UNC13C: variants seen among roughly 807,000 people sequenced by gnomAD.
UNC13C encodes the protein unc-13 homolog C, also known as protein unc-13 homolog C.
Under a neutral mutation model 245.4 loss-of-function variants are expected in UNC13C, and 174 were observed. The observed-to-expected ratio is 0.71, with a 90% CI of 0.63 to 0.80. The LOEUF (loss-of-function observed/expected upper bound fraction) is 0.80. Among genes scored for constraint, UNC13C ranks in the 30% least tolerant of loss-of-function variants. The pLI, the probability that UNC13C is intolerant of heterozygous loss-of-function variation, is 0.00. For synonymous variants in UNC13C, 992 were observed against 895.1 expected (o/e 1.11, Z -1.93); for missense variants, 2,829 against 2,602.9 (o/e 1.09, Z -1.89).
intron 30 of UNC13C, among the ~76,000 whole-genome samples, chr15:54,586,415 A>T (rs745937974): frequency 3.9e-5 from 6 of 152,222 alleles, no homozygotes; most frequent in Non-Finnish European, 8.8e-5. Flanking sequence ...TCTTGCAGAC[A>T]GTTACCTTTT....
At chr15:54,391,073 T>C (rs1476150895) in intron 17 of UNC13C, among the ~76,000 whole-genome samples, 1 of 152,156 alleles carries the variant, frequency 6.6e-6, no homozygotes, top group Non-Finnish European at 1.5e-5. Context: ...TGGGAATGAA[T>C]GCATATTTCA....
intron 13 of UNC13C, among the ~76,000 whole-genome samples, chr15:54,314,613 G>A (rs539271540): frequency 6.6e-6 from 1 of 151,690 alleles, no homozygotes; most frequent in Admixed American, 6.6e-5. Flanking sequence ...GGAAAGAAAT[G>A]TTTAATTATG....
intron 2 of UNC13C, among the ~76,000 whole-genome samples, chr15:54,135,879 C>T (rs1473637664): frequency 6.6e-6 from 1 of 151,986 alleles, no homozygotes; most frequent in Non-Finnish European, 1.5e-5. Context: ...CTCTGTAAGC[C>T]TTTGAAAAAG....
At chr15:54,446,175 A>T (rs927123718) in intron 19 of UNC13C, among the ~76,000 whole-genome samples, 1 of 152,170 alleles carries the variant, frequency 6.6e-6, no homozygotes, top group Non-Finnish European at 1.5e-5. Flanking sequence ...TAACAGTACC[A>T]TTCTCTTTTG....
intron 13 of UNC13C, among the ~76,000 whole-genome samples, chr15:54,310,204 A>G (rs1214785428): frequency 6.6e-6 from 1 of 151,752 alleles, no homozygotes; most frequent in Non-Finnish European, 1.5e-5. Flanking sequence ...CCACCCTGAG[A>G]ATAATTTAAG....
rs1181463712 is a variant in UNC13C at position 54,008,139 on chromosome 15, A to G, written c.-256-4509A>G. Among the ~76,000 whole-genome samples, 4 of 152,322 alleles carry G rather than the reference A, an allele frequency of 2.6e-5. No homozygotes were observed. The East Asian group carries it at 7.7e-4, about 29-fold the overall frequency. ...AGTTCATTATCTCCTTTAGCTCACT[A>G]GGGTATTAAATAGTTCTCTTAAAAA... is the stretch of plus-strand genomic sequence containing the variant. On this transcript the variant is annotated intron_variant, in intron 1 of 32. Transcript: ENST00000260323.
intron 17 of UNC13C, among the ~76,000 whole-genome samples, chr15:54,383,707 A>G (rs1357112539): frequency 6.6e-6 from 1 of 152,116 alleles, no homozygotes; most frequent in Non-Finnish European, 1.5e-5. Context: ...AGTCACCAAA[A>G]TTAGAAGAGA....
At chr15:54,443,733 T>C (rs546345566) in intron 19 of UNC13C, among the ~76,000 whole-genome samples, 8 of 152,098 alleles carry the variant, frequency 5.3e-5, no homozygotes, top group African/African-American at 1.7e-4. Context: ...CCTCTTTGTA[T>C]TGATTTCTAA....
chr15:54,129,459 C>T (rs13380384), intron 2 of UNC13C, among the ~76,000 whole-genome samples: 2,918 of 152,044 alleles, frequency 0.019, 71 homozygotes, highest in East Asian at 0.093. Flanking sequence ...GGAAGTTATC[C>T]ATTTTATAAA....
At chr15:54,542,988 G>T (rs1896314549) in intron 26 of UNC13C, among the ~76,000 whole-genome samples, 1 of 152,080 alleles carries the variant, frequency 6.6e-6, no homozygotes, top group Admixed American at 6.6e-5. Flanking sequence ...GGGGTATTTA[G>T]TCCATTTACA....
At chr15:53,968,067 CT>C in the UNC13C span, 1 of 152,058 alleles carries the variant, frequency 6.6e-6, no homozygotes, top group African/African-American at 2.4e-5. Context: ...TGTTATTGTT[CT>C]GATGGTAAAG....
chr15:54,331,450 G>A (rs1398001), intron 14 of UNC13C, among the ~76,000 whole-genome samples: 97,492 of 151,878 alleles, frequency 0.64, 32,032 homozygotes, highest in African/African-American at 0.71. Flanking sequence ...TTTTTTGGCT[G>A]CATGTTTCTA....
At chr15:54,055,870 G>A (rs1897490457) in intron 2 of UNC13C, among the ~76,000 whole-genome samples, 1 of 152,108 alleles carries the variant, frequency 6.6e-6, no homozygotes, top group South Asian at 2.1e-4. Flanking sequence ...TTGACAGCTG[G>A]AAATTTCAGG....
At chr15:54,321,826 C>A in intron 13 of UNC13C, 113 bp from the exon 14 acceptor site, 1 of 1,079,274 alleles carries the variant, frequency 9.3e-7, no homozygotes, top group South Asian at 1.6e-5. Context: ...GTGCAGTTTT[C>A]TCTCCTTTTC....
chr15:54,208,827 C>G (rs1190726980), intron 4 of UNC13C, among the ~76,000 whole-genome samples: 1 of 152,076 alleles, frequency 6.6e-6, no homozygotes, highest in African/African-American at 2.4e-5. Context: ...GGTAAAATAA[C>G]TTTTTAGTTC....
chr15:54,299,539 A>G (rs185770592), intron 12 of UNC13C, among the ~76,000 whole-genome samples: 83 of 152,226 alleles, frequency 5.5e-4, no homozygotes, highest in African/African-American at 2.0e-3. Context: ...AGGCAAAAAC[A>G]CTCACTTCCT....
chr15:54,479,124 A>T (rs1168319206), intron 19 of UNC13C, among the ~76,000 whole-genome samples: 1 of 152,072 alleles, frequency 6.6e-6, no homozygotes, highest in African/African-American at 2.4e-5. Flanking sequence ...TTGAATATAT[A>T]TGCTGTCCAG....
intron 1 of UNC13C, among the ~76,000 whole-genome samples, chr15:53,986,499 CCTT>C (rs1255041420): frequency 6.6e-6 from 1 of 151,934 alleles, no homozygotes; most frequent in African/African-American, 2.4e-5. Context: ...TATACAGAAT[CCTT>C]CTATAAGAAT....
chr15:53,922,110 T>C, the UNC13C span, among the ~76,000 whole-genome samples: 23 of 152,304 alleles, frequency 1.5e-4, no homozygotes, highest in African/African-American at 4.8e-5. Context: ...TTAAATACCA[T>C]GATAAAGTGA....
Sources: allele counts gnomAD v4.1 joint callset (sites outside exome capture counted in the v4.1 genomes callset), GRCh38; gene constraint gnomAD v4.1.1; transcripts MANE v1.5; gene names NCBI Gene and HGNC (gene_info 2026-07-23, HGNC 2026-07-21).